The following UGT8 variants were observed in gnomAD, a reference collection of about 807,000 sequenced individuals.
UGT8 encodes UDP glycosyltransferase 8, also known as 2-hydroxyacylsphingosine 1-beta-galactosyltransferase.
Under a neutral mutation model 40.5 loss-of-function variants are expected in UGT8, and 12 were observed. The ratio of observed to expected loss-of-function variants is 0.30; its 90% CI spans 0.19 to 0.48. The LOEUF is 0.48. Ranked by LOEUF, UGT8 falls within the 20% of genes least tolerant of loss-of-function variation. The pLI, the probability that UGT8 is intolerant of heterozygous loss-of-function variation, is 0.99. For missense variants in UGT8, 513 were observed against 648.7 expected, an observed-to-expected ratio of 0.79 and a Z score of 2.27; for synonymous variants, 224 against 240.4, an observed-to-expected ratio of 0.93 and a Z score of 0.63.
chr4:114,669,381 C>CATATATATATATAT (rs5861189), intron 5 of UGT8, among the ~76,000 whole-genome samples: 1 of 150,444 alleles, frequency 6.6e-6, no homozygotes, highest in African/African-American at 2.5e-5. Flanking sequence ...ATTTCATATA[C>CATATATATATATAT]ATATATATAT....
At chr4:114,615,459 C>T (rs1348407174) in intron 1 of UGT8, among the ~76,000 whole-genome samples, 2 of 152,132 alleles carry the variant, frequency 1.3e-5, no homozygotes, top group African/African-American at 4.8e-5. Flanking sequence ...AACTTCCCCC[C>T]TCCCCACCCA....
chr4:114,615,524 G>A (rs890698953), intron 1 of UGT8, among the ~76,000 whole-genome samples: 2 of 152,150 alleles, frequency 1.3e-5, no homozygotes, highest in Non-Finnish European at 2.9e-5. Context: ...ACTTAGGAAA[G>A]GTAGCTTAGT....
At position 114,610,821 on chromosome 4, in the gene UGT8, A is replaced by T. The variant is rs943563127; in HGVS notation, c.-3+11847A>T. Among the ~76,000 whole-genome samples, 9 of 152,132 alleles carry T rather than the reference A, an allele frequency of 5.9e-5. No individual in the cohort carries two copies. In the East Asian group the frequency reaches 1.5e-3, roughly 26 times the overall value. On this transcript the variant is annotated intron_variant, in intron 1 of 5. Transcript: ENST00000310836. ...TTTGTCCTGAAAATATGTTTGAGAG[A>T]TTACATGAAAATTTATTTTGTGACT...
intron 4 of UGT8, among the ~76,000 whole-genome samples, chr4:114,666,702 G>C (rs1050359663): frequency 6.6e-6 from 1 of 152,060 alleles, no homozygotes; most frequent in Non-Finnish European, 1.5e-5. Flanking sequence ...CTTTTATTGT[G>C]TGTGGGTTTT....
At chr4:114,666,877 T>C (rs2126134601) in intron 4 of UGT8, among the ~76,000 whole-genome samples, 1 of 152,254 alleles carries the variant, frequency 6.6e-6, no homozygotes. Context: ...GGCACTATCC[T>C]TGTGAGTCCT....
chr4:114,628,469 A>T (rs2126103170), intron 2 of UGT8, among the ~76,000 whole-genome samples: 1 of 152,142 alleles, frequency 6.6e-6, no homozygotes, highest in Middle Eastern at 3.4e-3. Context: ...AATTAGAATA[A>T]CTATTCTAAT....
intron 3 of UGT8, chr4:114,665,431 G>C (rs1280691389): frequency 1.0e-6 from 1 of 985,164 alleles, no homozygotes; most frequent in Non-Finnish European, 1.2e-6. Context: ...GTGTATAGGC[G>C]TGAGGAACCA....
rs773641223 is a variant in UGT8, at chr4:114,676,257, G to T, written c.1595G>T (p.Gly532Val). 1 of 1,598,996 alleles carries T rather than the reference G, an allele frequency of 6.3e-7. No individual in the cohort carries two copies. Among genetic ancestry groups the T allele is most frequent in the Non-Finnish European group, 8.5e-7 (1 of 1,172,560 alleles). Residue 532 changes from glycine (G) to valine (V), a missense_variant, in exon 6 of 6, where the codon GGC becomes GTC. Physicochemically the swap from Gly to Val is moderately radical, Grantham distance 109. Around this residue, in one of 3 missense-constraint regions of UGT8, gnomAD observed 175 missense variants for 186.7 expected, o/e 0.94. Transcript: ENST00000310836. ...GILNGKYKRN[G>V]HIKHEKKVK is the part of the protein sequence containing the mutation. Reference sequence around the variant, plus strand: ...CTCAATGGCAAGTACAAAAGAAATGGCCATATTAAACATGAAAAGAAAGTG... The same window carrying T: ...CTCAATGGCAAGTACAAAAGAAATGTCCATATTAAACATGAAAAGAAAGTG...
chr4:114,599,569 G>C (rs1488250054), intron 1 of UGT8, among the ~76,000 whole-genome samples: 1 of 152,240 alleles, frequency 6.6e-6, no homozygotes. Context: ...CCGCGTGCCC[G>C]CGCGACTCTC....
In UGT8 at chr4:114,676,338, A is replaced by T. The variant is rs747165031; in HGVS notation, c.*50A>T. On this transcript the variant is annotated 3_prime_UTR_variant, in exon 6 of 6. Coordinates refer to ENST00000310836, the MANE Select transcript of UGT8 (RefSeq NM_001128174.3). ...AAATTGGTTCACTCATTGAATTTTT[A>T]TTGCTATTATTTAGTCTAACAGCTA... The T allele has an allele frequency of 1.4e-5, 20 of 1,454,594 alleles. No homozygotes were observed. The highest frequency in any genetic ancestry group is 2.4e-4 in the Middle Eastern group (1 of 4,128). The allele number at this position is 1,454,594 out of a possible 1,614,324, so 90.1% of individuals were successfully genotyped here.
In UGT8 at chr4:114,601,712, G is replaced by T. The variant is rs185708199; in HGVS notation, c.-3+2738G>T. Among the ~76,000 whole-genome samples the T allele has an allele frequency of 5.6e-3, 859 of 152,246 alleles. 1 individual carries two copies. The highest frequency in any genetic ancestry group is 0.02 in the Middle Eastern group (6 of 294). On this transcript the variant is annotated intron_variant, in intron 1 of 5. Transcript: ENST00000310836. ...TGGGTTGTCTTTATGAATTCATAAA[G>T]AATTGAATAGTGCTATTCGCTGAGG...
intron 3 of UGT8, among the ~76,000 whole-genome samples, chr4:114,664,802 G>A (rs1174679288): frequency 6.6e-6 from 1 of 152,154 alleles, no homozygotes; most frequent in East Asian, 1.9e-4. Context: ...TACTACCACT[G>A]TTGAACTCTA....
At chr4:114,654,071 G>A (rs28483686) in intron 2 of UGT8, among the ~76,000 whole-genome samples, 5,003 of 152,140 alleles carry the variant, frequency 0.033, 258 homozygotes, top group African/African-American at 0.11. Context: ...AATTATTTTG[G>A]AAATTAATTT....
intron 2 of UGT8, among the ~76,000 whole-genome samples, chr4:114,654,323 T>C (rs935807298): frequency 2.0e-5 from 3 of 152,036 alleles, no homozygotes; most frequent in African/African-American, 7.2e-5. Context: ...TGTGGATCTC[T>C]TAGTGCTGTT....
intron 4 of UGT8, 137 bp from the exon 5 acceptor site, chr4:114,667,948 C>G: frequency 1.4e-6 from 2 of 1,429,046 alleles, no homozygotes; most frequent in Non-Finnish European, 1.8e-6. Flanking sequence ...GAGCAGGAAT[C>G]AGTGAAATTA....
At position 114,605,848 on chromosome 4, in the gene UGT8, G is replaced by T. The variant is rs1578398163; in HGVS notation, c.-3+6874G>T. Among the ~76,000 whole-genome samples, 4 of 152,134 alleles carry T rather than the reference G, an allele frequency of 2.6e-5. No homozygotes were observed. The Middle Eastern group carries it at 0.014, about 517-fold the overall frequency. On this transcript the variant is annotated intron_variant, in intron 1 of 5. Transcript: ENST00000310836. ...TAACACTTCTTAAATATTAAGTGAT[G>T]GGCATACAGATGTTTGTTATGTTAA...
chr4:114,647,366 G>A (rs1733637421), intron 2 of UGT8, among the ~76,000 whole-genome samples: 1 of 151,058 alleles, frequency 6.6e-6, no homozygotes, highest in African/African-American at 2.4e-5. Flanking sequence ...TTGTGTGTGT[G>A]TGTGTGTGTG....
intron 2 of UGT8, among the ~76,000 whole-genome samples, chr4:114,641,144 A>G (rs1419400536): frequency 1.3e-5 from 2 of 152,252 alleles, no homozygotes; most frequent in South Asian, 2.1e-4. Context: ...TAAAGCCTGA[A>G]TTAATAATTT....
chr4:114,646,175 A>G (rs1050120617), intron 2 of UGT8, among the ~76,000 whole-genome samples: 2 of 152,094 alleles, frequency 1.3e-5, no homozygotes, highest in Non-Finnish European at 2.9e-5. Context: ...TTGATTAGTG[A>G]CAAAATAAAA....
Sources: gnomAD v4.1 joint callset for allele counts (sites outside exome capture counted in the v4.1 genomes callset) on GRCh38, gnomAD v4.1.1 for gene constraint, gnomAD v4.1.1 regional missense constraint, MANE v1.5 for transcripts, NCBI Gene and HGNC (gene_info 2026-07-23, HGNC 2026-07-21) for gene names.